The following KLHL29 variants were observed in gnomAD, a reference collection of about 807,000 sequenced individuals.
KLHL29 encodes kelch-like protein 29.
Under a neutral mutation model 80.4 loss-of-function variants are expected in KLHL29, and 21 were observed. The observed-to-expected ratio is 0.26, with a 90% CI of 0.19 to 0.38. The LOEUF (loss-of-function observed/expected upper bound fraction) is 0.38, where lower values mean the gene tolerates loss of function less well. Ranked by LOEUF, KLHL29 falls within the 10% of genes least tolerant of loss-of-function variation. KLHL29 has a pLI of 1.00. For synonymous variants in KLHL29, 511 were observed against 526.8 expected (o/e 0.97, Z 0.41); for missense variants, 867 against 1,223.9 (o/e 0.71, Z 4.35).
chr2:23,552,225 T>C (rs1667149019), intron 2 of KLHL29, among the ~76,000 whole-genome samples: 1 of 152,182 alleles, frequency 6.6e-6, no homozygotes. Context: ...TTAAGTGCTC[T>C]CACTACAAAA....
In KLHL29 at chr2:23,457,671, G is replaced by A. The variant is rs144635281; in HGVS notation, c.-153-17889G>A. On this transcript the variant is annotated intron_variant, in intron 1 of 13. Transcript: ENST00000486442. The surrounding 1 kb of genome is among the most constrained non-coding windows in gnomAD (Gnocchi z 4.3). ...ACCAGGAACAAGGTCCCTGCAGTCA[G>A]ATGAAAGGTCCCCTCCTTGCCTGGC... is the stretch of plus-strand genomic sequence containing the variant. Among the ~76,000 whole-genome samples the A allele has an allele frequency of 2.0e-5, 3 of 152,326 alleles. No homozygotes were observed. Among genetic ancestry groups the A allele is most frequent in the African/African-American group, 7.2e-5 (3 of 41,568 alleles).
intron 8 of KLHL29, among the ~76,000 whole-genome samples, chr2:23,694,519 C>T (rs1346966541): frequency 6.6e-6 from 1 of 152,202 alleles, no homozygotes; most frequent in Non-Finnish European, 1.5e-5. Context: ...TCAAACCCCT[C>T]CTCAGTTGCC....
chr2:23,435,637 G>A (rs1177887697), intron 1 of KLHL29, among the ~76,000 whole-genome samples: 8 of 152,190 alleles, frequency 5.3e-5, no homozygotes, highest in East Asian at 1.9e-4. Flanking sequence ...TTAAATGCCC[G>A]AACTTAAATT....
At chr2:23,581,927 TC>T (rs1667994612) in intron 3 of KLHL29, among the ~76,000 whole-genome samples, 2 of 150,626 alleles carry the variant, frequency 1.3e-5, no homozygotes, top group Non-Finnish European at 3.0e-5. Flanking sequence ...TGAAAAACTC[TC>T]CCACAACACA....
At chr2:23,386,459 T>C (rs981445582) in intron 1 of KLHL29, among the ~76,000 whole-genome samples, 3 of 152,134 alleles carry the variant, frequency 2.0e-5, no homozygotes, top group Non-Finnish European at 4.4e-5. Flanking sequence ...CCTTGACACC[T>C]TGTGGGTGCC....
At chr2:23,565,189 G>A (rs1667559995) in intron 3 of KLHL29, among the ~76,000 whole-genome samples, 1 of 152,160 alleles carries the variant, frequency 6.6e-6, no homozygotes, top group African/African-American at 2.4e-5. Flanking sequence ...AGGCCTATGG[G>A]ACAAGGCTCT....
chr2:23,696,305 C>T lies in KLHL29; in HGVS notation c.1925-28C>T, dbSNP rs375986084. 3.4e-5 allele frequency: 53 copies of T among 1,549,836 alleles called. 1 individual carries two copies. In the East Asian group the frequency reaches 3.4e-4, roughly 10 times the overall value. ...CCCAGGCCCCTCCTCACCCCGCCCG[C>T]TCTCTCTGCCTCCCACACTGCCTCC... On this transcript the variant is annotated intron_variant, in intron 10 of 13. Coordinates refer to ENST00000486442, the MANE Select transcript of KLHL29 (RefSeq NM_052920.2). The surrounding 1 kb of genome is among the most constrained non-coding windows in gnomAD (Gnocchi z 5.5).
chr2:23,696,901 G>A lies in KLHL29; in HGVS notation c.2105+388G>A, dbSNP rs117428592. 2.2e-4 allele frequency: 40 copies of A among 177,798 alleles called. No individual in the cohort carries two copies. The East Asian group carries it at 2.8e-3, about 12-fold the overall frequency. 11.0% of individuals were successfully genotyped at this position (177,798 alleles called of 1,614,324 possible). On this transcript the variant is annotated intron_variant, in intron 11 of 13. Transcript: ENST00000486442. The surrounding 1 kb of genome is among the most constrained non-coding windows in gnomAD (Gnocchi z 5.5). ...CCAGCCCAGAGACTGCTGGGGTTTC[G>A]GGCAAAGCTGGAAGCAATGTTTAAA... is the stretch of plus-strand genomic sequence containing the variant.
intron 2 of KLHL29, among the ~76,000 whole-genome samples, chr2:23,530,713 C>T (rs539830752): frequency 5.9e-5 from 9 of 152,312 alleles, no homozygotes; most frequent in African/African-American, 2.2e-4. Flanking sequence ...AGATGCTCTT[C>T]CCTCCATCCC....
Position 23,693,481 on chromosome 2 carries a change from G to C in KLHL29, c.1495G>C (p.Glu499Gln). The change falls in exon 8 of 14, where the codon GAG becomes CAG. Residue 499 changes from glutamate (E) to glutamine (Q), a missense_variant. Transcript: ENST00000486442. ...CACCAAGGCTGAGGAGCTGGTGTAC[G>C]AGACAGTCATCAAGTGGATCAAGAA... Reference protein sequence around the residue: ...LNTKAEELVYETVIKWIKKDP... With the variant: ...LNTKAEELVYQTVIKWIKKDP... 1 of 1,551,662 alleles carries C rather than the reference G, an allele frequency of 6.4e-7. No homozygotes were observed. Among genetic ancestry groups the C allele is most frequent in the Non-Finnish European group, 8.7e-7 (1 of 1,146,942 alleles).
At chr2:23,418,374 G>A (rs557304997) in intron 1 of KLHL29, among the ~76,000 whole-genome samples, 3 of 152,254 alleles carry the variant, frequency 2.0e-5, no homozygotes, top group South Asian at 4.1e-4. Flanking sequence ...GGGTCTGGGG[G>A]CAGATCCTTC....
chr2:23,548,303 GCACA>G (rs377087178), intron 2 of KLHL29, among the ~76,000 whole-genome samples: 33 of 149,500 alleles, frequency 2.2e-4, no homozygotes, highest in South Asian at 6.4e-4. Flanking sequence ...ACACACACAG[GCACA>G]CACACACACA....
At chr2:23,494,347 A>C (rs1170238123) in intron 2 of KLHL29, among the ~76,000 whole-genome samples, 1 of 152,190 alleles carries the variant, frequency 6.6e-6, no homozygotes, top group African/African-American at 2.4e-5. Flanking sequence ...CACCAAAATG[A>C]AGGTCTGGGA....
intron 2 of KLHL29, among the ~76,000 whole-genome samples, chr2:23,538,402 C>T (rs1666741575): frequency 6.6e-6 from 1 of 152,212 alleles, no homozygotes; most frequent in Non-Finnish European, 1.5e-5. Flanking sequence ...TGGCTCCATT[C>T]TTATTCTGTT....
chr2:23,538,410 G>C (rs532413516), intron 2 of KLHL29, among the ~76,000 whole-genome samples: 1 of 152,268 alleles, frequency 6.6e-6, no homozygotes, highest in South Asian at 2.1e-4. Context: ...TTCTTATTCT[G>C]TTTTATCTTT....
intron 2 of KLHL29, among the ~76,000 whole-genome samples, chr2:23,536,335 C>T (rs373372647): frequency 2.0e-5 from 3 of 152,288 alleles, no homozygotes; most frequent in Middle Eastern, 3.4e-3. Flanking sequence ...CTCCAAGCTG[C>T]GGAAATTAGA....
chr2:23,653,477 A>G (rs1036889554), intron 5 of KLHL29, among the ~76,000 whole-genome samples: 11 of 152,194 alleles, frequency 7.2e-5, no homozygotes, highest in African/African-American at 2.7e-4. Flanking sequence ...AGCCTCTGGG[A>G]TCAGAGCAGC....
chr2:23,539,734 A>C (rs1277521066), intron 2 of KLHL29, among the ~76,000 whole-genome samples: 2 of 151,920 alleles, frequency 1.3e-5, no homozygotes, highest in East Asian at 3.9e-4. Flanking sequence ...GAGCCACTGC[A>C]CCTGGCCATT....
chr2:23,454,379 T>G (rs1459473462), intron 1 of KLHL29, among the ~76,000 whole-genome samples: 1 of 152,240 alleles, frequency 6.6e-6, no homozygotes, highest in Non-Finnish European at 1.5e-5. Context: ...TAGTTAAAGA[T>G]TAAACGAGTA....
Sources: allele counts gnomAD v4.1 joint callset (sites outside exome capture counted in the v4.1 genomes callset), GRCh38; gene constraint gnomAD v4.1.1; non-coding constraint Gnocchi (gnomAD v3.1); transcripts MANE v1.5; gene names NCBI Gene and HGNC (gene_info 2026-07-23, HGNC 2026-07-21).